Variants in AK9 observed in about 807,000 individuals in gnomAD.
AK9 encodes the protein adenylate kinase domain containing 1.
AK9 carries 191 observed loss-of-function variants against 239.6 expected under a neutral mutation model. The ratio of observed to expected loss-of-function variants is 0.80; its 90% confidence interval spans 0.71 to 0.90. AK9 has a LOEUF of 0.90. Among genes scored for constraint, AK9 ranks in the 40% least tolerant of loss-of-function variants. The probability of loss-of-function intolerance (pLI) is 0.00; values close to 1 mark genes in which losing one functional copy is unlikely to be tolerated. For missense variants in AK9, 1,995 were observed against 2,214.7 expected (o/e 0.90, Z 1.99); for synonymous variants, 689 against 721.0 (o/e 0.96, Z 0.71).
chr6:109,640,712 G>GT (rs1439326408), intron 10 of AK9, among the ~76,000 whole-genome samples: 1 of 151,802 alleles, frequency 6.6e-6, no homozygotes, highest in Non-Finnish European at 1.5e-5. Context: ...CCTGGTATGC[G>GT]TTTTTTAAAA....
At chr6:109,683,930 C>G (rs1773061308) in intron 1 of AK9, among the ~76,000 whole-genome samples, 1 of 152,164 alleles carries the variant, frequency 6.6e-6, no homozygotes. Flanking sequence ...AAAAGGAGCT[C>G]TCATAGCCAA....
chr6:109,538,297 G>C (rs1425692516), intron 27 of AK9, among the ~76,000 whole-genome samples: 1 of 152,100 alleles, frequency 6.6e-6, no homozygotes, highest in Non-Finnish European at 1.5e-5. Context: ...TCCTGTATTG[G>C]GTGCATATAT....
At chr6:109,541,524 C>A (rs1782882523) in intron 27 of AK9, among the ~76,000 whole-genome samples, 1 of 152,190 alleles carries the variant, frequency 6.6e-6, no homozygotes, top group African/African-American at 2.4e-5. Flanking sequence ...GATTCTCCTG[C>A]CTAAGCCTCC....
chr6:109,663,619 TGTATA>T lies in AK9; in HGVS notation c.332-961_332-957del, dbSNP rs545114585. On this transcript the variant is annotated intron_variant, in intron 5 of 40. Transcript: ENST00000424296. ...ATTAACAAATGTGATTTCTTGATACTGTATAGTAAAGTGTGTCAACATTTGGAAGA... is the reference window on the plus strand; with the variant it reads ...ATTAACAAATGTGATTTCTTGATACTGTAAAGTGTGTCAACATTTGGAAGA... Among the ~76,000 whole-genome samples, 13 of 152,318 alleles carry T rather than the reference TGTATA, an allele frequency of 8.5e-5. 1 individual carries two copies. The South Asian group carries it at 2.1e-3, about 24-fold the overall frequency.
intron 16 of AK9, 53 bp downstream of exon 16, chr6:109,611,957 T>G (rs1422124032): frequency 8.2e-7 from 1 of 1,217,430 alleles, no homozygotes; most frequent in African/African-American, 1.5e-5. Flanking sequence ...GAACTACTTG[T>G]GTTTTTTAGA....
intron 33 of AK9, among the ~76,000 whole-genome samples, chr6:109,507,153 A>G (rs1299586036): frequency 2.0e-5 from 3 of 152,206 alleles, no homozygotes; most frequent in East Asian, 3.9e-4. Context: ...TCTAAACATG[A>G]AAGAGTATAG....
chr6:109,680,461 G>C (rs1772450240), intron 1 of AK9, among the ~76,000 whole-genome samples: 1 of 152,156 alleles, frequency 6.6e-6, no homozygotes, highest in South Asian at 2.1e-4. Context: ...TATGTGAAAA[G>C]ACCAAATCTA....
intron 24 of AK9, among the ~76,000 whole-genome samples, chr6:109,551,859 C>A (rs1381866211): frequency 2.0e-5 from 3 of 151,680 alleles, no homozygotes; most frequent in Non-Finnish European, 4.4e-5. Context: ...AACTATTGAC[C>A]CATCCTCTAC....
chr6:109,503,901 T>C (rs1777846714), intron 35 of AK9, among the ~76,000 whole-genome samples: 1 of 152,158 alleles, frequency 6.6e-6, no homozygotes, highest in African/African-American at 2.4e-5. Context: ...CTCCCCCCAC[T>C]TTGGGGACAT....
At chr6:109,569,743 C>G (rs1258837142) in intron 21 of AK9, among the ~76,000 whole-genome samples, 1 of 152,112 alleles carries the variant, frequency 6.6e-6, no homozygotes, top group Non-Finnish European at 1.5e-5. Flanking sequence ...CCATCTCACA[C>G]CAGTTAGAAT....
At chr6:109,644,969 T>A (rs533264395) in intron 8 of AK9, among the ~76,000 whole-genome samples, 5 of 152,352 alleles carry the variant, frequency 3.3e-5, no homozygotes, top group Non-Finnish European at 5.9e-5. Flanking sequence ...TCTATCTGCA[T>A]ATGTTCATAG....
At chr6:109,507,772 T>G (rs891183581) in intron 33 of AK9, among the ~76,000 whole-genome samples, 1 of 152,186 alleles carries the variant, frequency 6.6e-6, no homozygotes, top group Non-Finnish European at 1.5e-5. Context: ...TGAGTTCTTG[T>G]GGATGAACTG....
At chr6:109,612,786 A>T (rs1304384907) in intron 15 of AK9, among the ~76,000 whole-genome samples, 1 of 152,024 alleles carries the variant, frequency 6.6e-6, no homozygotes, top group East Asian at 1.9e-4. Context: ...CTAAACAAAA[A>T]ATCAGCTCTA....
At chr6:109,523,608 GTGGTGGTT>G (rs1441746327) in intron 29 of AK9, among the ~76,000 whole-genome samples, 2 of 152,200 alleles carry the variant, frequency 1.3e-5, no homozygotes, top group Non-Finnish European at 2.9e-5. Flanking sequence ...TTTCAGAGTA[GTGGTGGTT>G]TGGTGTGACT....
chr6:109,635,673 C>T (rs1245874227), intron 10 of AK9, among the ~76,000 whole-genome samples: 1 of 152,208 alleles, frequency 6.6e-6, no homozygotes, highest in Non-Finnish European at 1.5e-5. Flanking sequence ...AACTCTGGAC[C>T]TTTCCATGGT....
intron 17 of AK9, among the ~76,000 whole-genome samples, chr6:109,599,565 T>C (rs2128227010): frequency 6.8e-6 from 1 of 146,052 alleles, no homozygotes; most frequent in South Asian, 2.5e-4. Flanking sequence ...CAGGCTCTTT[T>C]TTGGTTCCAT....
At chr6:109,567,888 A>T (rs1305601077) in intron 21 of AK9, among the ~76,000 whole-genome samples, 2 of 151,560 alleles carry the variant, frequency 1.3e-5, no homozygotes, top group African/African-American at 2.4e-5. Flanking sequence ...AAAATAAAAA[A>T]AAAAAAAAAG....
rs1185989865 is a variant in AK9 at position 109,494,018 on chromosome 6, C to T, written c.5496G>A (p.Arg1832=). 2 of 1,613,506 alleles carry T rather than the reference C, an allele frequency of 1.2e-6. No homozygotes were observed. Among genetic ancestry groups the T allele is most frequent in the Non-Finnish European group, 1.7e-6 (2 of 1,179,668 alleles). ...LKPKFPFLSI[R]RSALLYIALH... ...GTGCTATATATAGCAGTGCAGATCT[C>T]CTTATACTTAAAAAGGGGAACTTGG... The change falls in exon 40 of 41, where the codon AGG becomes AGA. Residue 1832 remains arginine, a synonymous_variant. Transcript: ENST00000424296.
rs17602109 is a variant in AK9 at position 109,493,139 on chromosome 6, G to A, written c.*230C>T. The A allele has an allele frequency of 0.047, 17,616 of 371,426 alleles. 507 individuals are homozygous for A. Among genetic ancestry groups the A allele is most frequent in the Admixed American group, 0.079 (1,828 of 23,022 alleles). 23.0% of individuals were successfully genotyped at this position (371,426 alleles called of 1,614,324 possible). On this transcript the variant is annotated 3_prime_UTR_variant, in exon 41 of 41. Coordinates refer to ENST00000424296, the MANE Select transcript of AK9 (RefSeq NM_001145128.3). The stretch of plus-strand genomic sequence containing the variant: ...ATGTTTATTTTGTTAAAGCATCAAA[G>A]TTCAGGCAAAGAGCAATACATTTTA...
Sources: allele counts gnomAD v4.1 joint callset (sites outside exome capture counted in the v4.1 genomes callset), GRCh38; gene constraint gnomAD v4.1.1; transcripts MANE v1.5; gene names NCBI Gene and HGNC (gene_info 2026-07-23, HGNC 2026-07-21).